Variants in RALYL observed in about 807,000 individuals in gnomAD.
The protein encoded by RALYL is RALY RNA binding protein like, also known as RNA-binding Raly-like protein.
RALYL carries 29 observed loss-of-function variants against 35.1 expected under a neutral mutation model. That is an observed-to-expected ratio of 0.83 (90% CI 0.61 to 1.13). The LOEUF (loss-of-function observed/expected upper bound fraction) is 1.13. Ranked by LOEUF, RALYL falls within the 50% of genes most tolerant of loss-of-function variation. The pLI is 0.00. For missense variants in RALYL, 359 were observed against 360.4 expected (o/e 1.00, Z 0.03); for synonymous variants, 120 against 127.6 (o/e 0.94, Z 0.40).
chr8:84,222,107 A>C (rs905798432), intron 1 of RALYL, among the ~76,000 whole-genome samples: 2 of 152,102 alleles, frequency 1.3e-5, no homozygotes, highest in African/African-American at 4.8e-5. Context: ...CGGCTCCTTC[A>C]TGAGCTGATA....
chr8:84,308,276 C>T (rs1334102456), intron 1 of RALYL, among the ~76,000 whole-genome samples: 2 of 152,012 alleles, frequency 1.3e-5, no homozygotes, highest in Non-Finnish European at 2.9e-5. Context: ...ATTTAAAGAT[C>T]GTATGCCTCT....
intron 2 of RALYL, among the ~76,000 whole-genome samples, chr8:84,690,720 T>G (rs939593205): frequency 6.6e-6 from 1 of 152,054 alleles, no homozygotes; most frequent in Non-Finnish European, 1.5e-5. Context: ...TTTAATAAAA[T>G]TAACTGTTTC....
At chr8:84,207,747 G>T (rs1250158721) in intron 1 of RALYL, among the ~76,000 whole-genome samples, 1 of 151,830 alleles carries the variant, frequency 6.6e-6, no homozygotes, top group Non-Finnish European at 1.5e-5. Flanking sequence ...CCAGGAAACT[G>T]TGTGAGGTAA....
chr8:84,635,894 T>C (rs1824961226), intron 2 of RALYL, among the ~76,000 whole-genome samples: 1 of 151,832 alleles, frequency 6.6e-6, no homozygotes, highest in Middle Eastern at 3.2e-3. Flanking sequence ...ACACAATATG[T>C]GAACTTACAG....
At position 84,898,905 on chromosome 8, in the gene RALYL, T is replaced by C. The variant is rs138673915; in HGVS notation, c.858+11129T>C. ...TCTGTTAGGACACTTCCTTCAGTGCTGCTACCACTTTTTAAAATGCCTTTC... is the reference window on the plus strand; with the variant it reads ...TCTGTTAGGACACTTCCTTCAGTGCCGCTACCACTTTTTAAAATGCCTTTC... On this transcript the variant is annotated intron_variant, in intron 8 of 8. Transcript: ENST00000521268. 9.5e-3 allele frequency among the ~76,000 whole-genome samples: 1,448 copies of C among 152,350 alleles called. 20 individuals are homozygous for C. The highest frequency in any genetic ancestry group is 0.04 in the Admixed American group (609 of 15,302).
chr8:84,598,578 T>C (rs573490497), intron 2 of RALYL, among the ~76,000 whole-genome samples: 5 of 152,266 alleles, frequency 3.3e-5, no homozygotes, highest in African/African-American at 1.2e-4. Flanking sequence ...GCAAATATCA[T>C]TGTCTCACAC....
intron 2 of RALYL, among the ~76,000 whole-genome samples, chr8:84,573,012 T>C (rs1201172311): frequency 6.6e-6 from 1 of 151,602 alleles, no homozygotes; most frequent in African/African-American, 2.4e-5. Flanking sequence ...CAAATCCTTT[T>C]ATTTCACTTC....
At chr8:84,420,537 G>A (rs968136334) in intron 1 of RALYL, among the ~76,000 whole-genome samples, 3 of 146,464 alleles carry the variant, frequency 2.0e-5, no homozygotes, top group East Asian at 2.0e-4. Context: ...CTGTGCAGAA[G>A]CTCTTTAGTT....
chr8:84,419,265 C>A (rs1366878814), intron 1 of RALYL, among the ~76,000 whole-genome samples: 1 of 152,124 alleles, frequency 6.6e-6, no homozygotes, highest in African/African-American at 2.4e-5. Context: ...TTTATGACAT[C>A]ATGAGGGCTC....
At chr8:84,203,261 C>T (rs974253757) in intron 1 of RALYL, among the ~76,000 whole-genome samples, 3 of 151,370 alleles carry the variant, frequency 2.0e-5, no homozygotes, top group Non-Finnish European at 2.9e-5. Context: ...ATTTGGTGTC[C>T]TTCCTTCTTT....
At chr8:84,388,668 G>C (rs551674128) in intron 1 of RALYL, among the ~76,000 whole-genome samples, 1 of 152,024 alleles carries the variant, frequency 6.6e-6, no homozygotes, top group South Asian at 2.1e-4. Context: ...CATGTCCTTC[G>C]CCCACTTTTT....
At chr8:84,382,244 A>AC (rs1252458183) in intron 1 of RALYL, among the ~76,000 whole-genome samples, 3 of 150,756 alleles carry the variant, frequency 2.0e-5, no homozygotes, top group Admixed American at 6.6e-5. Flanking sequence ...AAAAAAAAAA[A>AC]AACTGCAGTG....
At chr8:84,532,900 G>A (rs940372571) in intron 2 of RALYL, among the ~76,000 whole-genome samples, 6 of 151,924 alleles carry the variant, frequency 3.9e-5, no homozygotes, top group Non-Finnish European at 8.8e-5. Flanking sequence ...TGTTTGGCAC[G>A]TCTTTCGCAC....
At chr8:84,764,384 A>G (rs1037716758) in intron 2 of RALYL, among the ~76,000 whole-genome samples, 1 of 152,204 alleles carries the variant, frequency 6.6e-6, no homozygotes, top group Non-Finnish European at 1.5e-5. Context: ...GCTCCCTGAC[A>G]TTTTAATTTT....
intron 2 of RALYL, among the ~76,000 whole-genome samples, chr8:84,625,171 A>G (rs1026265821): frequency 5.9e-5 from 9 of 152,222 alleles, no homozygotes; most frequent in African/African-American, 2.2e-4. Context: ...TCAATTTCAC[A>G]GTCCTTAATT....
intron 7 of RALYL, 28 bp downstream of exon 7, chr8:84,873,425 CA>C: frequency 7.5e-7 from 1 of 1,336,108 alleles, no homozygotes; most frequent in Non-Finnish European, 1.1e-6. Flanking sequence ...ACAGACAGGT[CA>C]GAATTGAACC....
intron 1 of RALYL, among the ~76,000 whole-genome samples, chr8:84,196,790 A>G (rs886781221): frequency 6.6e-5 from 10 of 152,314 alleles, no homozygotes; most frequent in Admixed American, 2.6e-4. Flanking sequence ...ACTTTTTATT[A>G]AATCCTAAAT....
chr8:84,699,097 A>G (rs1043440356), intron 2 of RALYL, among the ~76,000 whole-genome samples: 1 of 152,158 alleles, frequency 6.6e-6, no homozygotes, highest in Non-Finnish European at 1.5e-5. Flanking sequence ...TAGTAGATAG[A>G]TAAGTGTATA....
intron 1 of RALYL, chr8:84,184,737 C>G: frequency 8.0e-6 from 3 of 374,874 alleles, no homozygotes; most frequent in Non-Finnish European, 9.4e-6. Flanking sequence ...GCCGGCCGGG[C>G]ACTAGGCGGC....
Sources: gnomAD v4.1 joint callset for allele counts (sites outside exome capture counted in the v4.1 genomes callset) on GRCh38, gnomAD v4.1.1 for gene constraint, MANE v1.5 for transcripts, NCBI Gene and HGNC (gene_info 2026-07-23, HGNC 2026-07-21) for gene names.